Variants in TRIM44 observed in about 807,000 individuals in gnomAD.
TRIM44 encodes tripartite motif containing 44.
In TRIM44, 13 loss-of-function variants were observed where a neutral mutation model predicts 37.4. The observed-to-expected ratio is 0.35, with a 90% CI of 0.23 to 0.55. TRIM44 has a LOEUF of 0.55. Ranked by LOEUF, TRIM44 falls within the 20% of genes least tolerant of loss-of-function variation. The pLI, the probability that TRIM44 is intolerant of heterozygous loss-of-function variation, is 0.89. For synonymous variants in TRIM44, 175 were observed against 157.2 expected, an observed-to-expected ratio of 1.11 and a Z score of -0.85; for missense variants, 426 against 437.2, an observed-to-expected ratio of 0.97 and a Z score of 0.23.
At chr11:35,743,413 T>A (rs991122351) in intron 4 of TRIM44, among the ~76,000 whole-genome samples, 1 of 152,220 alleles carries the variant, frequency 6.6e-6, no homozygotes, top group Non-Finnish European at 1.5e-5. Context: ...ATCTCATGAT[T>A]TGTTATGGGT....
intron 4 of TRIM44, among the ~76,000 whole-genome samples, chr11:35,788,993 G>GT (rs1262928324): frequency 4.6e-5 from 7 of 152,082 alleles, no homozygotes; most frequent in East Asian, 3.8e-4. Flanking sequence ...CCTAAAAATA[G>GT]TTTTTTTATA....
chr11:35,705,747 G>A (rs2135504089), intron 2 of TRIM44, among the ~76,000 whole-genome samples: 1 of 146,640 alleles, frequency 6.8e-6, no homozygotes, highest in Non-Finnish European at 1.5e-5. Context: ...AGAATCTCTG[G>A]GACACATTCA....
chr11:35,712,552 A>C (rs1027910918), intron 2 of TRIM44, among the ~76,000 whole-genome samples: 1 of 152,162 alleles, frequency 6.6e-6, no homozygotes, highest in Non-Finnish European at 1.5e-5. Context: ...CATGGTTTCC[A>C]AGCTGCCTGG....
intron 4 of TRIM44, among the ~76,000 whole-genome samples, chr11:35,769,899 A>AT (rs879776164): frequency 5.3e-5 from 8 of 152,026 alleles, no homozygotes; most frequent in African/African-American, 1.7e-4. Context: ...GAATTTATTT[A>AT]TTTTTTTTAT....
chr11:35,676,380 C>T (rs540816553), intron 1 of TRIM44, among the ~76,000 whole-genome samples: 4 of 152,276 alleles, frequency 2.6e-5, no homozygotes, highest in African/African-American at 7.2e-5. Context: ...AACTGTTCAT[C>T]CCCCTCTCCT....
At chr11:35,712,699 A>T (rs1240356224) in intron 2 of TRIM44, among the ~76,000 whole-genome samples, 1 of 152,172 alleles carries the variant, frequency 6.6e-6, no homozygotes, top group African/African-American at 2.4e-5. Context: ...ACTCTTTGCC[A>T]AAAGCTTGAA....
intron 1 of TRIM44, among the ~76,000 whole-genome samples, chr11:35,680,759 C>T (rs567676413): frequency 6.6e-6 from 1 of 152,198 alleles, no homozygotes; most frequent in East Asian, 1.9e-4. Flanking sequence ...TATGGAAGTC[C>T]CCAATTTCCC....
At chr11:35,711,210 T>C (rs1376788842) in intron 2 of TRIM44, among the ~76,000 whole-genome samples, 1 of 152,220 alleles carries the variant, frequency 6.6e-6, no homozygotes, top group Non-Finnish European at 1.5e-5. Flanking sequence ...TATATCTCAA[T>C]AAAACTGTTG....
intron 4 of TRIM44, among the ~76,000 whole-genome samples, chr11:35,778,534 G>A (rs1044222094): frequency 6.6e-6 from 1 of 152,112 alleles, no homozygotes; most frequent in Non-Finnish European, 1.5e-5. Context: ...GAGGAGAAGA[G>A]GTGCTCTAAT....
intron 2 of TRIM44, among the ~76,000 whole-genome samples, chr11:35,695,309 A>G (rs986090220): frequency 3.9e-5 from 6 of 152,182 alleles, no homozygotes; most frequent in Non-Finnish European, 8.8e-5. Flanking sequence ...TCTTCAAACT[A>G]TGTGAATAGC....
At chr11:35,801,220 A>G (rs894471094) in intron 4 of TRIM44, among the ~76,000 whole-genome samples, 2 of 152,310 alleles carry the variant, frequency 1.3e-5, no homozygotes, top group Admixed American at 1.3e-4. Context: ...AGACTTCCCA[A>G]TTGGCTCCTT....
At chr11:35,751,385 C>A (rs1852557562) in intron 4 of TRIM44, among the ~76,000 whole-genome samples, 2 of 152,084 alleles carry the variant, frequency 1.3e-5, no homozygotes, top group African/African-American at 2.4e-5. Flanking sequence ...CTTTAACTTT[C>A]AATGTGTGAG....
At chr11:35,679,992 T>G (rs1307794686) in intron 1 of TRIM44, among the ~76,000 whole-genome samples, 1 of 152,226 alleles carries the variant, frequency 6.6e-6, no homozygotes, top group Admixed American at 6.5e-5. Context: ...TAATTGTTTT[T>G]GAGGATGTGA....
chr11:35,740,943 CT>C (rs1367034759), intron 4 of TRIM44, among the ~76,000 whole-genome samples: 1 of 152,012 alleles, frequency 6.6e-6, no homozygotes. Flanking sequence ...TTTTTTCCCC[CT>C]CTAAATGAAT....
At chr11:35,748,348 T>C (rs554502663) in intron 4 of TRIM44, among the ~76,000 whole-genome samples, 6 of 152,328 alleles carry the variant, frequency 3.9e-5, no homozygotes, top group African/African-American at 1.4e-4. Context: ...TGAACTTGTT[T>C]AGGTACTTAA....
intron 4 of TRIM44, among the ~76,000 whole-genome samples, chr11:35,799,106 T>A (rs1565036957): frequency 6.6e-6 from 1 of 152,272 alleles, no homozygotes. Context: ...GATGGGACAC[T>A]GGCAACCTAC....
intron 4 of TRIM44, among the ~76,000 whole-genome samples, chr11:35,744,838 A>T (rs1483242966): frequency 6.6e-6 from 1 of 151,962 alleles, no homozygotes; most frequent in Non-Finnish European, 1.5e-5. Flanking sequence ...TTCTGTTCCT[A>T]TGTTAGTTTC....
intron 4 of TRIM44, among the ~76,000 whole-genome samples, chr11:35,792,912 A>C (rs973992750): frequency 1.3e-5 from 2 of 152,196 alleles, no homozygotes; most frequent in East Asian, 1.9e-4. Flanking sequence ...ACCTTGAAAG[A>C]TATTTCTATG....
At chr11:35,764,769 C>G (rs1441223629) in intron 4 of TRIM44, among the ~76,000 whole-genome samples, 1 of 152,086 alleles carries the variant, frequency 6.6e-6, no homozygotes, top group Non-Finnish European at 1.5e-5. Flanking sequence ...TATGCTTGAC[C>G]CATAAACTGT....
Sources: gnomAD v4.1 joint callset for allele counts (sites outside exome capture counted in the v4.1 genomes callset) on GRCh38, gnomAD v4.1.1 for gene constraint, MANE v1.5 for transcripts, NCBI Gene and HGNC (gene_info 2026-07-23, HGNC 2026-07-21) for gene names.